FBXW8: variants seen among roughly 807,000 people sequenced by gnomAD.
FBXW8 encodes the protein F-box/WD repeat-containing protein 8.
In FBXW8, 57 loss-of-function variants were observed where a neutral mutation model predicts 65.3. That is an observed-to-expected ratio of 0.87 (90% confidence interval 0.71 to 1.09). The LOEUF (loss-of-function observed/expected upper bound fraction) is 1.09. FBXW8 is among the 50% of genes least tolerant of loss of function. FBXW8 has a pLI of 0.00. For missense variants in FBXW8, 777 were observed against 814.8 expected (o/e 0.95, Z 0.57); for synonymous variants, 308 against 330.2 (o/e 0.93, Z 0.73).
chr12:117,016,679 G>A, intron 8 of FBXW8, among the ~76,000 whole-genome samples: 1 of 150,854 alleles, frequency 6.6e-6, no homozygotes, highest in East Asian at 1.9e-4. Context: ...TTGTGCTATG[G>A]ATGTCATAGC....
At chr12:116,962,560 A>G (rs1048369510) in intron 4 of FBXW8, among the ~76,000 whole-genome samples, 3 of 152,242 alleles carry the variant, frequency 2.0e-5, no homozygotes, top group Non-Finnish European at 4.4e-5. Context: ...GCAGAAGGAC[A>G]GAGACTGGCA....
chr12:116,920,402 G>C lies in FBXW8; in HGVS notation c.319-7621G>C, dbSNP rs545513809. The stretch of plus-strand genomic sequence containing the variant: ...CACTGTTCCAGGCACTGAGAATATA[G>C]CATTGAACAAGGCAGAAAAAAGCCT... On this transcript the variant is annotated intron_variant, in intron 1 of 10. Coordinates refer to ENST00000652555, the MANE Select transcript of FBXW8 (RefSeq NM_153348.3). Among the ~76,000 whole-genome samples, 4 of 152,322 alleles carry C rather than the reference G, an allele frequency of 2.6e-5. No individual in the cohort carries two copies. The South Asian group carries it at 8.3e-4, about 32-fold the overall frequency.
At chr12:116,956,540 C>T (rs1006486332) in intron 4 of FBXW8, among the ~76,000 whole-genome samples, 1 of 152,012 alleles carries the variant, frequency 6.6e-6, no homozygotes, top group Admixed American at 6.5e-5. Context: ...TCTTTGTAGA[C>T]AGAGAGCAAA....
At chr12:117,013,615 TA>T (rs911570217) in intron 8 of FBXW8, among the ~76,000 whole-genome samples, 88 of 151,956 alleles carry the variant, frequency 5.8e-4, no homozygotes, top group African/African-American at 2.0e-3. Flanking sequence ...AGATGTATAT[TA>T]AAAAAAAATT....
intron 4 of FBXW8, among the ~76,000 whole-genome samples, chr12:116,954,476 A>G (rs931376184): frequency 6.6e-6 from 1 of 152,088 alleles, no homozygotes; most frequent in African/African-American, 2.4e-5. Context: ...GTGTTTTGTT[A>G]TATGTATGTT....
intron 7 of FBXW8, 87 bp downstream of exon 7, chr12:116,988,956 A>G (rs1953170988): frequency 1.6e-6 from 2 of 1,277,024 alleles, no homozygotes; most frequent in South Asian, 1.3e-5. Flanking sequence ...GCTCTTCAAT[A>G]TTTTTCCAGA....
intron 5 of FBXW8, among the ~76,000 whole-genome samples, chr12:116,968,127 G>A (rs950927903): frequency 2.6e-5 from 4 of 151,912 alleles, no homozygotes; most frequent in African/African-American, 9.7e-5. Flanking sequence ...TGTGAACAAT[G>A]TTAATTTTTT....
intron 8 of FBXW8, among the ~76,000 whole-genome samples, chr12:117,020,322 T>G (rs1422354443): frequency 6.6e-6 from 1 of 151,734 alleles, no homozygotes; most frequent in Non-Finnish European, 1.5e-5. Flanking sequence ...GTCTTTGTGT[T>G]TCCCCATTTT....
At chr12:117,026,929 G>A (rs931159750) in intron 9 of FBXW8, among the ~76,000 whole-genome samples, 10 of 152,184 alleles carry the variant, frequency 6.6e-5, no homozygotes, top group African/African-American at 2.4e-4. Context: ...CCCAGGGTAC[G>A]TGTGTCATTG....
intron 7 of FBXW8, among the ~76,000 whole-genome samples, chr12:117,006,202 A>G (rs1166250305): frequency 1.3e-5 from 2 of 152,194 alleles, no homozygotes; most frequent in Non-Finnish European, 2.9e-5. Flanking sequence ...GGTAAAATTA[A>G]AACACAGAGT....
intron 2 of FBXW8, among the ~76,000 whole-genome samples, chr12:116,935,990 G>A (rs1346504199): frequency 6.6e-6 from 1 of 151,220 alleles, no homozygotes; most frequent in African/African-American, 2.4e-5. Context: ...AGACAGCTGA[G>A]AATAAAACAT....
rs928749239 is a variant in FBXW8, at chr12:116,961,158, G to C, written c.678-3539G>C. Among the ~76,000 whole-genome samples, 1 of 152,104 alleles carries C rather than the reference G, an allele frequency of 6.6e-6. No homozygotes were observed. Among genetic ancestry groups the C allele is most frequent in the Non-Finnish European group, 1.5e-5 (1 of 68,022 alleles). On this transcript the variant is annotated intron_variant, in intron 4 of 10. Coordinates refer to ENST00000652555, the MANE Select transcript of FBXW8 (RefSeq NM_153348.3). The surrounding 1 kb of genome is among the most constrained non-coding windows in gnomAD (Gnocchi z 4.4). ...TTACAGGCACGCACCACCACACCTG[G>C]CTAATTTTTGCATTTTTAGTAGAGA...
intron 5 of FBXW8, among the ~76,000 whole-genome samples, chr12:116,976,621 AT>A (rs58135251): frequency 0.42 from 58,292 of 137,832 alleles, 13,940 homozygotes; most frequent in African/African-American, 0.7. Context: ...ACACCGGCTA[AT>A]TTTTTTTTTT....
At chr12:116,971,789 C>G (rs1002410033) in intron 5 of FBXW8, among the ~76,000 whole-genome samples, 3 of 151,772 alleles carry the variant, frequency 2.0e-5, no homozygotes, top group Non-Finnish European at 4.4e-5. Context: ...ATCTCGGTAC[C>G]AGAATTTACA....
Position 116,926,730 on chromosome 12 carries a change from C to G in FBXW8, c.319-1293C>G, listed in dbSNP as rs527946678. On this transcript the variant is annotated intron_variant, in intron 1 of 10. Transcript: ENST00000652555. ...CTTTGCCCACAGAGAGCTGTCAGCT[C>G]TTACTCTTTTTTTCCTCCAGAGATC... Among the ~76,000 whole-genome samples, 4 of 152,214 alleles carry G rather than the reference C, an allele frequency of 2.6e-5. 1 individual carries two copies. The South Asian group carries it at 8.3e-4, about 32-fold the overall frequency.
intron 4 of FBXW8, among the ~76,000 whole-genome samples, chr12:116,960,664 TAA>T (rs1177569645): frequency 6.6e-6 from 1 of 152,058 alleles, no homozygotes; most frequent in African/African-American, 2.4e-5. Context: ...GCAGTGGAAA[TAA>T]AGAGGTACCC....
intron 2 of FBXW8, among the ~76,000 whole-genome samples, chr12:116,932,036 A>G (rs1016999097): frequency 6.6e-6 from 1 of 151,982 alleles, no homozygotes; most frequent in South Asian, 2.1e-4. Context: ...ATTTATTAAG[A>G]GTTTTTATCA....
intron 4 of FBXW8, among the ~76,000 whole-genome samples, chr12:116,958,104 A>G (rs931462442): frequency 1.3e-5 from 2 of 152,218 alleles, no homozygotes; most frequent in African/African-American, 2.4e-5. Flanking sequence ...TGTGTAGTGC[A>G]TGTATCTCAT....
intron 7 of FBXW8, among the ~76,000 whole-genome samples, chr12:116,999,521 C>T (rs1953456124): frequency 6.6e-6 from 1 of 152,108 alleles, no homozygotes; most frequent in African/African-American, 2.4e-5. Flanking sequence ...GAAAATAATC[C>T]CTCCCCGAGC....
Sources: gnomAD v4.1 joint callset for allele counts (sites outside exome capture counted in the v4.1 genomes callset) on GRCh38, gnomAD v4.1.1 for gene constraint, Gnocchi (gnomAD v3.1) non-coding constraint, MANE v1.5 for transcripts, NCBI Gene and HGNC (gene_info 2026-07-23, HGNC 2026-07-21) for gene names.